The following NRXN1 variants were observed in gnomAD, a reference collection of about 807,000 sequenced individuals.
The protein encoded by NRXN1 is neurexin 1, also known as neurexin-1.
NRXN1 carries 39 observed loss-of-function variants against 150.9 expected under a neutral mutation model. The observed-to-expected ratio is 0.26, with a 90% CI of 0.20 to 0.34. The LOEUF (loss-of-function observed/expected upper bound fraction) is 0.34. Ranked by LOEUF, NRXN1 falls within the 10% of genes least tolerant of loss-of-function variation. The pLI, the probability that NRXN1 is intolerant of heterozygous loss-of-function variation, is 1.00. For synonymous variants in NRXN1, 924 were observed against 757.0 expected (o/e 1.22, Z -3.62); for missense variants, 1,815 against 1,949.9 (o/e 0.93, Z 1.30).
intron 17 of NRXN1, among the ~76,000 whole-genome samples, chr2:50,389,640 A>G (rs2081558013): frequency 6.6e-6 from 1 of 152,068 alleles, no homozygotes; most frequent in South Asian, 2.1e-4. Context: ...AGGTTCTCCT[A>G]TAATCTTTTC....
At chr2:50,222,275 A>C (rs2063957318) in intron 18 of NRXN1, among the ~76,000 whole-genome samples, 1 of 151,984 alleles carries the variant, frequency 6.6e-6, no homozygotes, top group South Asian at 2.1e-4. Context: ...TTTGTGACTG[A>C]AGTTAAAGGG....
intron 5 of NRXN1, among the ~76,000 whole-genome samples, chr2:50,837,915 G>A (rs1056119392): frequency 6.6e-6 from 1 of 152,042 alleles, no homozygotes; most frequent in African/African-American, 2.4e-5. Flanking sequence ...AATCCACAGT[G>A]AGCTGATTTA....
At chr2:50,225,941 T>C (rs2064335392) in intron 18 of NRXN1, among the ~76,000 whole-genome samples, 1 of 152,002 alleles carries the variant, frequency 6.6e-6, no homozygotes, top group Admixed American at 6.6e-5. Context: ...ATTTATGTGA[T>C]ATGTGGTATA....
rs969936750 is a variant in NRXN1, at chr2:50,051,611, T to C, written c.4128+1660A>G. 1.3e-4 allele frequency among the ~76,000 whole-genome samples: 20 copies of C among 152,104 alleles called. 1 individual carries two copies. Among genetic ancestry groups the C allele is most frequent in the Non-Finnish European group, 2.9e-5 (2 of 67,960 alleles). On this transcript the variant is annotated intron_variant, in intron 21 of 22. Coordinates refer to ENST00000401669, the MANE Select transcript of NRXN1 (RefSeq NM_001330078.2). ...AGCAAAGAATGTTAAATGGAGCTATTGGGCAAACATAAATCTTTCTAAAGT... is the reference window on the plus strand; with the variant it reads ...AGCAAAGAATGTTAAATGGAGCTATCGGGCAAACATAAATCTTTCTAAAGT...
At chr2:50,737,232 G>A (rs1247424661) in intron 5 of NRXN1, among the ~76,000 whole-genome samples, 2 of 152,160 alleles carry the variant, frequency 1.3e-5, no homozygotes, top group South Asian at 2.1e-4. Context: ...TATTTGAGAT[G>A]TTGGTGCTAA....
intron 5 of NRXN1, among the ~76,000 whole-genome samples, chr2:50,812,854 G>A (rs1055880265): frequency 6.6e-6 from 1 of 151,474 alleles, no homozygotes; most frequent in African/African-American, 2.4e-5. Flanking sequence ...CACTGATCTA[G>A]TGAGTTTTTT....
At chr2:50,063,547 G>GACACACACACACACACACACACACAC (rs3046664) in intron 19 of NRXN1, among the ~76,000 whole-genome samples, 1 of 137,516 alleles carries the variant, frequency 7.3e-6, no homozygotes, top group East Asian at 2.2e-4. Context: ...CACCTCAACA[G>GACACACACACACACACACACACACAC]ACACACACAC....
chr2:50,059,314 T>G (rs1694124384), intron 19 of NRXN1, among the ~76,000 whole-genome samples: 1 of 152,070 alleles, frequency 6.6e-6, no homozygotes, highest in Non-Finnish European at 1.5e-5. Flanking sequence ...TGATTTAGAG[T>G]ATCTGGTGAA....
chr2:50,461,358 G>C (rs548117094), intron 17 of NRXN1, among the ~76,000 whole-genome samples: 4 of 152,028 alleles, frequency 2.6e-5, no homozygotes, highest in African/African-American at 9.6e-5. Context: ...TATGGTAACA[G>C]ACACTGTTGA....
At chr2:50,255,395 T>C (rs1271616917) in intron 17 of NRXN1, among the ~76,000 whole-genome samples, 1 of 152,160 alleles carries the variant, frequency 6.6e-6, no homozygotes, top group Non-Finnish European at 1.5e-5. Context: ...TTGAAATAAT[T>C]GAAACACAAG....
intron 5 of NRXN1, among the ~76,000 whole-genome samples, chr2:50,624,075 G>A (rs373430081): frequency 1.3e-5 from 2 of 152,016 alleles, no homozygotes; most frequent in South Asian, 4.1e-4. Context: ...GAGAATGATG[G>A]TTTCCAGCTT....
chr2:50,730,996 T>A (rs910433852), intron 5 of NRXN1, among the ~76,000 whole-genome samples: 1 of 152,160 alleles, frequency 6.6e-6, no homozygotes, highest in East Asian at 1.9e-4. Flanking sequence ...CTTACTGTGA[T>A]TGCATTTACT....
At position 50,371,531 on chromosome 2, in the gene NRXN1, CAGTTG is replaced by C. The variant is rs1222375656; in HGVS notation, c.3364+93906_3364+93910del. ...ACCTTAATTATGGGGATTATGTGGT[CAGTTG>C]AGTTAAGTGATTTATTCAGAGTTGC... On this transcript the variant is annotated intron_variant, in intron 17 of 22. Transcript: ENST00000401669. Among the ~76,000 whole-genome samples the C allele has an allele frequency of 9.9e-5, 15 of 152,060 alleles. No homozygotes were observed. In the South Asian group the frequency reaches 2.3e-3, roughly 23 times the overall value.
At chr2:50,327,881 C>A (rs1415040774) in intron 17 of NRXN1, among the ~76,000 whole-genome samples, 1 of 152,120 alleles carries the variant, frequency 6.6e-6, no homozygotes, top group Non-Finnish European at 1.5e-5. Context: ...AACTCCTGAC[C>A]TCAAGTAATC....
chr2:50,395,764 CTAAG>C, intron 17 of NRXN1, among the ~76,000 whole-genome samples: 1 of 152,218 alleles, frequency 6.6e-6, no homozygotes, highest in East Asian at 1.9e-4. Flanking sequence ...GAAGACAAAA[CTAAG>C]TGAGTCAGAC....
intron 17 of NRXN1, among the ~76,000 whole-genome samples, chr2:50,458,585 T>TC (rs2087830792): frequency 6.6e-6 from 1 of 151,244 alleles, no homozygotes; most frequent in African/African-American, 2.4e-5. Context: ...ATTCATAATT[T>TC]TTTTTTTTTT....
chr2:49,942,553 T>C (rs1387845043), intron 22 of NRXN1, among the ~76,000 whole-genome samples: 1 of 152,028 alleles, frequency 6.6e-6, no homozygotes, highest in African/African-American at 2.4e-5. Flanking sequence ...TAGTGGTTAG[T>C]CCATATCCAC....
chr2:50,685,408 C>T (rs182210774), intron 5 of NRXN1, among the ~76,000 whole-genome samples: 2 of 152,206 alleles, frequency 1.3e-5, no homozygotes, highest in East Asian at 1.9e-4. Context: ...GATATCCCAC[C>T]CTTTTCAAAT....
intron 18 of NRXN1, among the ~76,000 whole-genome samples, chr2:50,140,156 C>T (rs17039985): frequency 0.21 from 32,544 of 151,976 alleles, 4,184 homozygotes; most frequent in East Asian, 0.37. Flanking sequence ...TGAAAGATTG[C>T]TTTGTCTCTT....
Sources: gnomAD v4.1 joint callset for allele counts (sites outside exome capture counted in the v4.1 genomes callset) on GRCh38, gnomAD v4.1.1 for gene constraint, MANE v1.5 for transcripts, NCBI Gene and HGNC (gene_info 2026-07-23, HGNC 2026-07-21) for gene names.